The following ITIH1 variants were observed in gnomAD, a reference collection of about 807,000 sequenced individuals.
The protein encoded by ITIH1 is inter-alpha-trypsin inhibitor heavy chain 1, also known as inter-alpha-trypsin inhibitor heavy chain H1.
ITIH1 carries 94 observed loss-of-function variants against 104.6 expected under a neutral mutation model. That is an observed-to-expected ratio of 0.90 (90% CI 0.76 to 1.07). ITIH1 has a LOEUF of 1.07. ITIH1 is among the 50% of genes least tolerant of loss of function. The probability of loss-of-function intolerance (pLI) is 0.00; values close to 1 mark genes in which losing one functional copy is unlikely to be tolerated. For missense variants in ITIH1, 1,193 were observed against 1,181.4 expected, an observed-to-expected ratio of 1.01 and a Z score of -0.14; for synonymous variants, 455 against 464.4, an observed-to-expected ratio of 0.98 and a Z score of 0.26.
rs376319251 is a variant in ITIH1, at chr3:52,784,297, G to A, written c.1227G>A (p.Gly409=). The A allele has an allele frequency of 6.2e-7, 1 of 1,612,486 alleles. No homozygotes were observed. Among genetic ancestry groups the A allele is most frequent in the African/African-American group, 1.3e-5 (1 of 74,896 alleles). Residue 409 remains glycine (G), a splice_region_variant and synonymous_variant, in exon 11 of 22, where the codon GGG becomes GGA. Transcript: ENST00000273283. ...ACTACCCAGGTGTGTGGCTTGCAGGGGTGACGGACCGTTCCCAAATCCTCA... is the reference window on the plus strand; with the variant it reads ...ACTACCCAGGTGTGTGGCTTGCAGGAGTGACGGACCGTTCCCAAATCCTCA... ...IMLTDGDPTE[G]VTDRSQILKN... is the part of the protein sequence containing the mutation.
At chr3:52,791,654 T>C (rs1699359539) in intron 21 of ITIH1, 26 bp downstream of exon 21, 1 of 1,611,716 alleles carries the variant, frequency 6.2e-7, no homozygotes, top group African/African-American at 1.3e-5. Flanking sequence ...GCCCAGCACG[T>C]CTGCCCTCGG....
intron 19 of ITIH1, 166 bp downstream of exon 19, chr3:52,790,020 T>G (rs1699311154): frequency 1.5e-6 from 1 of 673,462 alleles, no homozygotes; most frequent in Admixed American, 2.6e-5. Context: ...CCATTTCCCT[T>G]GGTTACTGGA....
intron 5 of ITIH1, 36 bp from the exon 6 acceptor site, chr3:52,780,231 CTT>C (rs750962018): frequency 5.6e-5 from 83 of 1,479,658 alleles, no homozygotes; most frequent in Middle Eastern, 1.7e-4. Context: ...AAGATCCCAT[CTT>C]TTTTTTTAAA....
Position 52,782,207 on chromosome 3 carries a change from C to G in ITIH1, c.870C>G (p.Asn290Lys). The change falls in exon 8 of 22, where the codon AAC (asparagine) becomes AAG (lysine). Residue 290 changes from asparagine (N) to lysine (K), a missense_variant. Coordinates refer to ENST00000273283, the MANE Select transcript of ITIH1 (RefSeq NM_002215.4). ...FFAPQNLTNM[N>K]KNVVFVIDIS... ...CCCCCCAAAACCTGACAAACATGAACAAGAACGTGGTTTTTGTGATTGACA... is the reference window on the plus strand; with the variant it reads ...CCCCCCAAAACCTGACAAACATGAAGAAGAACGTGGTTTTTGTGATTGACA... 2 of 1,614,144 alleles carry G rather than the reference C, an allele frequency of 1.2e-6. No homozygotes were observed. The highest frequency in any genetic ancestry group is 1.1e-5 in the South Asian group (1 of 91,076).
Position 52,790,737 on chromosome 3 carries a change from C to T in ITIH1, c.2322-12C>T. The stretch of plus-strand genomic sequence containing the variant: ...CAGCCGCACCTGCCCTCTCGGCCAC[C>T]TGGCTCTGCAGGGTGGTGGTGACCA... On this transcript the variant is annotated splice_polypyrimidine_tract_variant and intron_variant, in intron 19 of 21. Coordinates refer to ENST00000273283, the MANE Select transcript of ITIH1 (RefSeq NM_002215.4). 6.2e-7 allele frequency: 1 copy of T among 1,608,624 alleles called. No individual in the cohort carries two copies. Among genetic ancestry groups the T allele is most frequent in the South Asian group, 1.1e-5 (1 of 90,226 alleles).
rs113855851 is a variant in ITIH1, at chr3:52,788,124, G to GTC, written c.2005+70_2005+71dup. 151 of 1,522,308 alleles carry GTC rather than the reference G, an allele frequency of 9.9e-5. 1 individual carries two copies. In the Middle Eastern group the frequency reaches 1.0e-3, roughly 10 times the overall value. 94.3% of individuals were successfully genotyped at this position (1,522,308 alleles called of 1,614,324 possible). A position where few individuals can be genotyped will look rare whatever the true frequency, so the allele number is the denominator to read the frequency against. On this transcript the variant is annotated intron_variant, in intron 17 of 21. Coordinates refer to ENST00000273283, the MANE Select transcript of ITIH1 (RefSeq NM_002215.4). ...TGTTTGGGACCCACCCTATCTGGCT[G>GTC]TCTCTCTCTCTCTGTCTCTCTCTGG...
chr3:52,792,066 T>C, downstream of ITIH1: 1 of 832,782 alleles, frequency 1.2e-6, no homozygotes, highest in South Asian at 2.0e-5. Context: ...GTGTCCACCC[T>C]GAGCTGGCTG....
chr3:52,783,463 CA>C, intron 10 of ITIH1, 124 bp downstream of exon 10: 1 of 1,012,464 alleles, frequency 9.9e-7, no homozygotes, highest in Non-Finnish European at 1.5e-6. Flanking sequence ...AGGGCAAAAT[CA>C]AGCACTGGTC....
At position 52,789,874 on chromosome 3, in the gene ITIH1, G is replaced by T; in HGVS notation, c.2321+20G>T. ...GGACGGGTAACCTGCCAGGGCCTGG[G>T]CAAGATGCAGGGGGAGGTGTGGCCT... On this transcript the variant is annotated intron_variant, in intron 19 of 21. Transcript: ENST00000273283. 1 of 1,612,258 alleles carries T rather than the reference G, an allele frequency of 6.2e-7. No individual in the cohort carries two copies. The highest frequency in any genetic ancestry group is 8.5e-7 in the Non-Finnish European group (1 of 1,178,926).
chr3:52,784,498 G>T lies in ITIH1; in HGVS notation c.1407+21G>T, dbSNP rs771800688. ...TGCAGGTCTCCCCTCACAACCCCCTGTACCTCCAATGGCATGCCATAGGGA... is the reference window on the plus strand; with the variant it reads ...TGCAGGTCTCCCCTCACAACCCCCTTTACCTCCAATGGCATGCCATAGGGA... On this transcript the variant is annotated intron_variant, in intron 11 of 21. Coordinates refer to ENST00000273283, the MANE Select transcript of ITIH1 (RefSeq NM_002215.4). The T allele has an allele frequency of 1.9e-6, 3 of 1,610,524 alleles. No homozygotes were observed. The African/African-American group carries it at 4.0e-5, about 22-fold the overall frequency.
In ITIH1 at chr3:52,779,405, T is replaced by C. The variant is rs1038804573; in HGVS notation, c.411-27T>C. The C allele has an allele frequency of 6.2e-7, 1 of 1,613,646 alleles. No homozygotes were observed. The highest frequency in any genetic ancestry group is 8.5e-7 in the Non-Finnish European group (1 of 1,179,484). ...AAATGTCATTTACCCTCTGTCTGTC[T>C]GCTGTTGCCTCTGGTGGCACATCCA... On this transcript the variant is annotated intron_variant, in intron 4 of 21. Coordinates refer to ENST00000273283, the MANE Select transcript of ITIH1 (RefSeq NM_002215.4). This position sits in a 1 kb window ranked among gnomAD's most constrained non-coding sequence, Gnocchi z 4.4.
chr3:52,782,210 G>A lies in ITIH1; in HGVS notation c.873G>A (p.Lys291=). 1.9e-6 allele frequency: 3 copies of A among 1,614,154 alleles called. No homozygotes were observed. The highest frequency in any genetic ancestry group is 2.5e-6 in the Non-Finnish European group (3 of 1,180,038). ...CCCAAAACCTGACAAACATGAACAA[G>A]AACGTGGTTTTTGTGATTGACATCA... ...FAPQNLTNMN[K]NVVFVIDISG... Residue 291 remains lysine (K), a synonymous_variant, in exon 8 of 22, where the codon AAG becomes AAA. Coordinates refer to ENST00000273283, the MANE Select transcript of ITIH1 (RefSeq NM_002215.4).
chr3:52,790,626 T>C, intron 19 of ITIH1, 123 bp from the exon 20 acceptor site: 1 of 944,070 alleles, frequency 1.1e-6, no homozygotes, highest in Non-Finnish European at 1.6e-6. Flanking sequence ...GCCGGCCATC[T>C]GGGGATGAAG....
intron 19 of ITIH1, 47 bp downstream of exon 19, chr3:52,789,901 G>T (rs1303346604): frequency 1.3e-6 from 2 of 1,585,246 alleles, no homozygotes; most frequent in Non-Finnish European, 1.7e-6. Flanking sequence ...GTGTGGCCTG[G>T]GCCCAGGACT....
At chr3:52,782,333 C>T in intron 8 of ITIH1, 66 bp downstream of exon 8, 1 of 1,253,724 alleles carries the variant, frequency 8.0e-7, no homozygotes, top group Non-Finnish European at 1.2e-6. Context: ...CACCACATGC[C>T]AGTTTTGCTG....
intron 8 of ITIH1, 113 bp downstream of exon 8, chr3:52,782,380 G>A: frequency 1.3e-6 from 1 of 792,812 alleles, no homozygotes; most frequent in South Asian, 1.6e-5. Flanking sequence ...CCTGGTCAGA[G>A]GCAGAGTGAT....
chr3:52,778,320 T>A lies in ITIH1; in HGVS notation c.139-20T>A. ...CAGAGGCCCTGTCTCAGGCCACAGCTCCTTCATGTCTCACTTTAGGCTGTC... is the reference window on the plus strand; with the variant it reads ...CAGAGGCCCTGTCTCAGGCCACAGCACCTTCATGTCTCACTTTAGGCTGTC... On this transcript the variant is annotated intron_variant, in intron 2 of 21. Coordinates refer to ENST00000273283, the MANE Select transcript of ITIH1 (RefSeq NM_002215.4). 1 of 1,613,194 alleles carries A rather than the reference T, an allele frequency of 6.2e-7. No individual in the cohort carries two copies. The highest frequency in any genetic ancestry group is 8.5e-7 in the Non-Finnish European group (1 of 1,179,156).
chr3:52,778,981 C>G lies in ITIH1; in HGVS notation c.345C>G (p.Asp115Glu). The change falls in exon 4 of 22, where the codon GAC (aspartate) becomes GAG (glutamate). Residue 115 changes from aspartate to glutamate, a missense_variant. Transcript: ENST00000273283. ...ACGCATTTATCGGAGACATAAAGGA[C>G]AAGGTGACTGCATGGAAGCAGTACC... ...DGNAFIGDIK[D>E]KVTAWKQYRK... 1.2e-6 allele frequency: 2 copies of G among 1,614,094 alleles called. No homozygotes were observed. Among genetic ancestry groups the G allele is most frequent in the Non-Finnish European group, 1.7e-6 (2 of 1,179,910 alleles).
chr3:52,785,330 TCC>T, intron 12 of ITIH1, 101 bp downstream of exon 12: 3 of 1,151,034 alleles, frequency 2.6e-6, no homozygotes, highest in Admixed American at 2.0e-5. Context: ...GGCCTCTCTT[TCC>T]CCAGAGTAGT....
Sources: allele counts gnomAD v4.1 joint callset, GRCh38; gene constraint gnomAD v4.1.1; non-coding constraint Gnocchi (gnomAD v3.1); transcripts MANE v1.5; gene names NCBI Gene and HGNC (gene_info 2026-07-23, HGNC 2026-07-21).